The following RNLS variants were observed in gnomAD, a reference collection of about 807,000 sequenced individuals.
The protein encoded by RNLS is renalase, FAD dependent amine oxidase.
A neutral mutation model predicts 39.8 loss-of-function variants in RNLS; 39 were observed. The ratio of observed to expected loss-of-function variants is 0.98; its 90% confidence interval spans 0.76 to 1.28. RNLS has a LOEUF of 1.28. Ranked by LOEUF, RNLS falls within the 50% of genes most tolerant of loss-of-function variation. The pLI is 0.00. For synonymous variants in RNLS, 147 were observed against 150.7 expected (o/e 0.98, Z 0.18); for missense variants, 410 against 413.3 (o/e 0.99, Z 0.07).
chr10:88,453,423 G>C lies in RNLS; in HGVS notation c.527-90698C>G, dbSNP rs147577907. On this transcript the variant is annotated intron_variant, in intron 4 of 6. Coordinates refer to ENST00000331772, the MANE Select transcript of RNLS (RefSeq NM_001031709.3). ...TGCTTCCCATTTAGGGAACTTTAAG[G>C]AGTTATTGCAGCTGCAAAGGTCTCA... Among the ~76,000 whole-genome samples, 944 of 152,302 alleles carry C rather than the reference G, an allele frequency of 6.2e-3. 5 individuals are homozygous for C. The highest frequency in any genetic ancestry group is 0.011 in the Non-Finnish European group (755 of 68,014).
At chr10:88,582,942 G>A (rs1463581384) in intron 1 of RNLS, 131 bp downstream of exon 1, 5 of 1,090,056 alleles carry the variant, frequency 4.6e-6, no homozygotes, top group Admixed American at 3.2e-5. Context: ...CATGGGCCGC[G>A]CTACACGGCC....
the RNLS span, among the ~76,000 whole-genome samples, chr10:88,210,842 A>G: frequency 1.3e-5 from 2 of 152,056 alleles, no homozygotes; most frequent in African/African-American, 2.4e-5. Flanking sequence ...TCCTTGTGGG[A>G]CTGTGTTCCC....
At chr10:88,359,748 T>C (rs1024965065) in intron 5 of RNLS, among the ~76,000 whole-genome samples, 3 of 152,228 alleles carry the variant, frequency 2.0e-5, no homozygotes, top group Admixed American at 2.0e-4. Context: ...TTATTAATAT[T>C]TTATGTTGTA....
chr10:88,479,900 TC>T (rs1844057729), intron 4 of RNLS, among the ~76,000 whole-genome samples: 1 of 152,040 alleles, frequency 6.6e-6, no homozygotes, highest in African/African-American at 2.4e-5. Flanking sequence ...AAAAGATTCT[TC>T]CTTAAAACTT....
intron 4 of RNLS, among the ~76,000 whole-genome samples, chr10:88,419,627 A>G (rs1395982557): frequency 6.6e-6 from 1 of 152,206 alleles, no homozygotes; most frequent in Non-Finnish European, 1.5e-5. Flanking sequence ...TGCCTTTTGA[A>G]AAAAAATTTG....
intron 4 of RNLS, among the ~76,000 whole-genome samples, chr10:88,520,709 A>G (rs1420991720): frequency 6.6e-6 from 1 of 152,056 alleles, no homozygotes; most frequent in Non-Finnish European, 1.5e-5. Context: ...TCCTGGAGGA[A>G]AAGTTCTAAA....
At chr10:88,330,585 G>A (rs1040782739) in intron 5 of RNLS, among the ~76,000 whole-genome samples, 30 of 151,934 alleles carry the variant, frequency 2.0e-4, no homozygotes, top group African/African-American at 6.5e-4. Context: ...GGTACAATAA[G>A]ATAAAAAATG....
chr10:88,531,890 T>G (rs983022311), intron 4 of RNLS, among the ~76,000 whole-genome samples: 8 of 152,052 alleles, frequency 5.3e-5, no homozygotes, highest in African/African-American at 1.4e-4. Context: ...TTAGATCAGC[T>G]CTTTAGGGCC....
Position 88,466,069 on chromosome 10 carries a change from A to C in RNLS, c.527-103344T>G, listed in dbSNP as rs186906218. Among the ~76,000 whole-genome samples, 14 of 152,186 alleles carry C rather than the reference A, an allele frequency of 9.2e-5. No individual in the cohort carries two copies. In the East Asian group the frequency reaches 2.5e-3, roughly 27 times the overall value. On this transcript the variant is annotated intron_variant, in intron 4 of 6. Coordinates refer to ENST00000331772, the MANE Select transcript of RNLS (RefSeq NM_001031709.3). ...GATGAGTTCTGTATCCATTGTTAGA[A>C]GGAGAAGACAAAGAGGGAGAAAAGG...
intron 4 of RNLS, among the ~76,000 whole-genome samples, chr10:88,482,389 A>T (rs928150047): frequency 1.3e-5 from 2 of 152,086 alleles, no homozygotes; most frequent in African/African-American, 4.8e-5. Context: ...ATTTGTCTCA[A>T]GTTAACTGAT....
At chr10:88,459,172 A>C (rs2133930138) in intron 4 of RNLS, among the ~76,000 whole-genome samples, 1 of 151,926 alleles carries the variant, frequency 6.6e-6, no homozygotes, top group African/African-American at 2.4e-5. Flanking sequence ...GGGTAGGACA[A>C]GAAGAAGTGG....
chr10:88,451,940 G>A (rs1329969627), intron 4 of RNLS, among the ~76,000 whole-genome samples: 1 of 152,216 alleles, frequency 6.6e-6, no homozygotes, highest in African/African-American at 2.4e-5. Context: ...CGGGTCCCAG[G>A]TGAGCCACTT....
At chr10:88,558,034 T>C (rs1233573738) in intron 4 of RNLS, among the ~76,000 whole-genome samples, 2 of 152,146 alleles carry the variant, frequency 1.3e-5, no homozygotes, top group Non-Finnish European at 2.9e-5. Flanking sequence ...TTTCCTTCTG[T>C]TAGGGTAGCA....
chr10:88,583,099 G>T lies in RNLS; in HGVS notation c.92C>A (p.Ala31Asp). ...TGAGTCCTCAGCCTTGTCCCACACA[G>T]CAAGGTACAAGGGACCGGACGTCTG... is the stretch of plus-strand genomic sequence containing the variant. ...RRQTSGPLYL[A>D]VWDKAEDSGG... The change falls in exon 1 of 7, where the codon GCT (alanine) becomes GAT (aspartate). Residue 31 changes from alanine (A) to aspartate (D), a missense_variant. By Grantham distance (126) the Ala-to-Asp change is moderately radical. Transcript: ENST00000331772. 1.2e-6 allele frequency: 2 copies of T among 1,614,046 alleles called. No individual in the cohort carries two copies. Among genetic ancestry groups the T allele is most frequent in the South Asian group, 1.1e-5 (1 of 91,068 alleles).
chr10:88,573,823 ATTAG>A (rs1042284196), intron 3 of RNLS, among the ~76,000 whole-genome samples: 1 of 150,192 alleles, frequency 6.7e-6, no homozygotes, highest in Non-Finnish European at 1.5e-5. Context: ...CATAGAATTT[ATTAG>A]TTAAGTATTT....
At chr10:88,444,768 A>T (rs1263417066) in intron 4 of RNLS, among the ~76,000 whole-genome samples, 2 of 152,230 alleles carry the variant, frequency 1.3e-5, no homozygotes, top group Admixed American at 6.5e-5. Context: ...AGAAGTTTAG[A>T]GAAAAAAGAG....
intron 4 of RNLS, among the ~76,000 whole-genome samples, chr10:88,491,845 G>GTAA (rs905007153): frequency 3.9e-5 from 6 of 151,922 alleles, no homozygotes; most frequent in African/African-American, 1.5e-4. Flanking sequence ...TGAAATGGAG[G>GTAA]TAATAAAGGA....
chr10:88,553,431 T>A (rs1848694795), intron 4 of RNLS, among the ~76,000 whole-genome samples: 1 of 152,178 alleles, frequency 6.6e-6, no homozygotes, highest in Non-Finnish European at 1.5e-5. Context: ...GAAGGTTGAA[T>A]CACAAGTACT....
At chr10:88,516,654 C>T (rs925162931) in intron 4 of RNLS, among the ~76,000 whole-genome samples, 2 of 151,922 alleles carry the variant, frequency 1.3e-5, no homozygotes, top group African/African-American at 4.8e-5. Flanking sequence ...GTATTTTCCT[C>T]TTTACTACAG....
Sources: allele counts gnomAD v4.1 joint callset (sites outside exome capture counted in the v4.1 genomes callset), GRCh38; gene constraint gnomAD v4.1.1; transcripts MANE v1.5; gene names NCBI Gene and HGNC (gene_info 2026-07-23, HGNC 2026-07-21).